Variants in GLRA1 observed in about 807,000 individuals in gnomAD.
GLRA1 encodes glycine receptor subunit alpha-1.
A neutral mutation model predicts 48.3 loss-of-function variants in GLRA1; 37 were observed. The observed-to-expected ratio is 0.77, with a 90% CI of 0.59 to 1.01. GLRA1 has a LOEUF of 1.01. Among genes scored for constraint, GLRA1 ranks in the 50% least tolerant of loss-of-function variants. The probability of loss-of-function intolerance (pLI) is 0.00; values close to 1 mark genes in which losing one functional copy is unlikely to be tolerated. For missense variants in GLRA1, 427 were observed against 571.0 expected (o/e 0.75, Z 2.57); for synonymous variants, 196 against 210.7 (o/e 0.93, Z 0.60).
intron 7 of GLRA1, among the ~76,000 whole-genome samples, chr5:151,830,414 T>C (rs1219328384): frequency 6.6e-6 from 1 of 152,210 alleles, no homozygotes; most frequent in East Asian, 1.9e-4. Flanking sequence ...AGCTGGGTAA[T>C]GAGTTGTTTA....
chr5:151,875,155 A>C (rs911567694), intron 3 of GLRA1, among the ~76,000 whole-genome samples: 1 of 151,904 alleles, frequency 6.6e-6, no homozygotes, highest in African/African-American at 2.4e-5. Context: ...ATGTGTTAAT[A>C]TTTATGTTTG....
chr5:151,858,847 C>T (rs1753119221), intron 4 of GLRA1, among the ~76,000 whole-genome samples: 1 of 152,118 alleles, frequency 6.6e-6, no homozygotes, highest in Non-Finnish European at 1.5e-5. Flanking sequence ...CTTTTTTAAG[C>T]TCTTTGAAAT....
chr5:151,843,989 G>C (rs1752588299), intron 7 of GLRA1, among the ~76,000 whole-genome samples: 1 of 151,920 alleles, frequency 6.6e-6, no homozygotes, highest in Non-Finnish European at 1.5e-5. Context: ...GGACAACATG[G>C]TGAAACCCCT....
In GLRA1 at chr5:151,895,625, C is replaced by CTGTGTGTG. The variant is rs67871185; in HGVS notation, c.57-3195_57-3188dup. Among the ~76,000 whole-genome samples the CTGTGTGTG allele has an allele frequency of 4.1e-3, 598 of 146,690 alleles. 6 individuals carry two copies. The highest frequency in any genetic ancestry group is 0.014 in the African/African-American group (572 of 39,916). ...CTCTTGCAGCATGGTGTGTGTGTGT[C>CTGTGTGTG]TGTGTGTGTGTGTGTGTGTGTGTGT... is the stretch of plus-strand genomic sequence containing the variant. On this transcript the variant is annotated intron_variant, in intron 1 of 8. Coordinates refer to ENST00000274576, the MANE Select transcript of GLRA1 (RefSeq NM_000171.4).
chr5:151,861,986 C>G (rs1337535468), intron 3 of GLRA1, among the ~76,000 whole-genome samples: 1 of 152,082 alleles, frequency 6.6e-6, no homozygotes, highest in Non-Finnish European at 1.5e-5. Context: ...AATCCTAAGC[C>G]AAAAGAACAA....
At chr5:151,880,784 C>CATGTACACACATGT (rs1753741868) in intron 3 of GLRA1, among the ~76,000 whole-genome samples, 1 of 152,250 alleles carries the variant, frequency 6.6e-6, no homozygotes, top group African/African-American at 2.4e-5. Context: ...CATGCACATG[C>CATGTACACACATGT]ATGTACACAC....
intron 1 of GLRA1, among the ~76,000 whole-genome samples, chr5:151,903,472 T>A (rs1166164213): frequency 6.6e-6 from 1 of 152,178 alleles, no homozygotes; most frequent in African/African-American, 2.4e-5. Flanking sequence ...CCTTGAATCC[T>A]CTAAGACAGA....
chr5:151,916,226 T>C (rs1053221171), intron 1 of GLRA1, among the ~76,000 whole-genome samples: 3 of 152,170 alleles, frequency 2.0e-5, no homozygotes, highest in African/African-American at 7.2e-5. Flanking sequence ...AGCTCTAAAA[T>C]GGGGATACTA....
intron 7 of GLRA1, 118 bp from the exon 8 acceptor site, chr5:151,829,185 T>TCTCA: frequency 1.0e-6 from 1 of 952,412 alleles, no homozygotes; most frequent in South Asian, 1.4e-5. Flanking sequence ...GCTGTCTGCT[T>TCTCA]CTCAGCTGGG....
intron 3 of GLRA1, among the ~76,000 whole-genome samples, chr5:151,878,510 A>G (rs1753682178): frequency 1.3e-5 from 2 of 152,164 alleles, no homozygotes; most frequent in Admixed American, 1.3e-4. Context: ...AATGGGGAAA[A>G]TGTCTCCGGA....
At chr5:151,884,609 G>C (rs1450227396) in intron 3 of GLRA1, among the ~76,000 whole-genome samples, 1 of 152,194 alleles carries the variant, frequency 6.6e-6, no homozygotes, top group East Asian at 1.9e-4. Context: ...TGACTCCAGA[G>C]CTGGGCTTTT....
chr5:151,861,099 G>C (rs567259841), intron 3 of GLRA1, among the ~76,000 whole-genome samples: 15 of 152,260 alleles, frequency 9.9e-5, no homozygotes, highest in African/African-American at 3.1e-4. Context: ...GTGTATATGT[G>C]CCACATTTTC....
At chr5:151,869,325 A>G (rs2113375603) in intron 3 of GLRA1, among the ~76,000 whole-genome samples, 1 of 150,898 alleles carries the variant, frequency 6.6e-6, no homozygotes, top group East Asian at 2.1e-4. Context: ...GCTGGTCTCA[A>G]ACTCCTGGCC....
chr5:151,856,143 T>C (rs550431953), intron 5 of GLRA1, among the ~76,000 whole-genome samples, 158 bp downstream of exon 5: 1 of 152,360 alleles, frequency 6.6e-6, no homozygotes, highest in Non-Finnish European at 1.5e-5. Context: ...ATATTTCTAA[T>C]GCATTTTCTA....
At chr5:151,900,846 C>T (rs191033494) in intron 1 of GLRA1, among the ~76,000 whole-genome samples, 20 of 152,262 alleles carry the variant, frequency 1.3e-4, no homozygotes, top group Admixed American at 1.3e-3. Context: ...TTTTCACAAA[C>T]GTCTTTTCAG....
chr5:151,857,130 A>T (rs1244678846), intron 4 of GLRA1, among the ~76,000 whole-genome samples: 2 of 151,830 alleles, frequency 1.3e-5, no homozygotes, highest in East Asian at 3.9e-4. Flanking sequence ...CTCTTTTCCC[A>T]CCCCACCTCA....
chr5:151,887,382 AGAG>A (rs1753934758), intron 2 of GLRA1, among the ~76,000 whole-genome samples: 1 of 152,236 alleles, frequency 6.6e-6, no homozygotes, highest in African/African-American at 2.4e-5. Flanking sequence ...TCTCATTCCT[AGAG>A]GAGATGTTGT....
At chr5:151,886,983 C>T (rs920187021) in intron 2 of GLRA1, among the ~76,000 whole-genome samples, 195 bp from the exon 3 acceptor site, 2 of 152,164 alleles carry the variant, frequency 1.3e-5, no homozygotes, top group African/African-American at 4.8e-5. Flanking sequence ...CTTCCTGGTC[C>T]CCAAGTGAGC....
At chr5:151,886,671 G>C (rs1259891839) in intron 3 of GLRA1, 50 bp downstream of exon 3, 1 of 1,298,110 alleles carries the variant, frequency 7.7e-7, no homozygotes, top group South Asian at 1.2e-5. Context: ...AATATTTCAT[G>C]GAGAGATATC....
Sources: gnomAD v4.1 joint callset for allele counts (sites outside exome capture counted in the v4.1 genomes callset) on GRCh38, gnomAD v4.1.1 for gene constraint, MANE v1.5 for transcripts, NCBI Gene and HGNC (gene_info 2026-07-23, HGNC 2026-07-21) for gene names.